The following RCOR1 variants were observed in gnomAD, a reference collection of about 807,000 sequenced individuals.
RCOR1 encodes the protein REST corepressor 1.
In RCOR1, 12 loss-of-function variants were observed where a neutral mutation model predicts 64.0. That is an observed-to-expected ratio of 0.19 (90% confidence interval 0.12 to 0.30). The LOEUF (loss-of-function observed/expected upper bound fraction) is 0.30, where lower values mean the gene tolerates loss of function less well. Ranked by LOEUF, RCOR1 falls within the 10% of genes least tolerant of loss-of-function variation. The pLI, the probability that RCOR1 is intolerant of heterozygous loss-of-function variation, is 1.00. For synonymous variants in RCOR1, 279 were observed against 227.2 expected (o/e 1.23, Z -2.05); for missense variants, 502 against 621.2 (o/e 0.81, Z 2.04).
rs377641733 is a variant in RCOR1 at position 102,652,153 on chromosome 14, A to G, written c.362-29742A>G. On this transcript the variant is annotated intron_variant, in intron 2 of 11. Transcript: ENST00000262241. The stretch of plus-strand genomic sequence containing the variant: ...GGATTGATTATTTTAAGTTCCTACT[A>G]TGTACCAGACGTTTGCTACTTGTTT... Among the ~76,000 whole-genome samples, 39 of 152,334 alleles carry G rather than the reference A, an allele frequency of 2.6e-4. No individual in the cohort carries two copies. The East Asian group carries it at 2.7e-3, about 11-fold the overall frequency.
At chr14:102,692,866 A>G (rs528024241) in intron 3 of RCOR1, among the ~76,000 whole-genome samples, 2 of 151,190 alleles carry the variant, frequency 1.3e-5, no homozygotes, top group African/African-American at 2.4e-5. Context: ...CCCAGGTTCA[A>G]GCAATTCTCG....
chr14:102,711,217 A>C (rs983030960), intron 7 of RCOR1, among the ~76,000 whole-genome samples: 4 of 152,264 alleles, frequency 2.6e-5, no homozygotes, highest in African/African-American at 7.2e-5. Context: ...GAAGGCTTAA[A>C]GGATAGAAAA....
At chr14:102,669,157 A>G (rs1374173253) in intron 2 of RCOR1, among the ~76,000 whole-genome samples, 2 of 152,088 alleles carry the variant, frequency 1.3e-5, no homozygotes, top group Non-Finnish European at 2.9e-5. Context: ...TAAAAATACA[A>G]AATTAGCCAG....
intron 8 of RCOR1, among the ~76,000 whole-genome samples, chr14:102,718,065 T>C (rs1896100703): frequency 6.6e-6 from 1 of 152,160 alleles, no homozygotes; most frequent in Admixed American, 6.6e-5. Context: ...TTAAACAATT[T>C]AGGGTTTATT....
intron 10 of RCOR1, 110 bp downstream of exon 10, chr14:102,721,487 G>A: frequency 1.4e-6 from 1 of 711,676 alleles, no homozygotes; most frequent in Non-Finnish European, 2.5e-6. Context: ...GGAGCTCAAG[G>A]CTGCATTGAT....
intron 6 of RCOR1, among the ~76,000 whole-genome samples, 182 bp downstream of exon 6, chr14:102,708,765 G>A (rs1213092834): frequency 2.0e-5 from 3 of 152,136 alleles, no homozygotes; most frequent in Admixed American, 2.0e-4. Flanking sequence ...CTCTTTCCCT[G>A]CAGTCAGTGA....
At chr14:102,673,628 C>T (rs1249134539) in intron 2 of RCOR1, among the ~76,000 whole-genome samples, 1 of 149,342 alleles carries the variant, frequency 6.7e-6, no homozygotes, top group Non-Finnish European at 1.5e-5. Context: ...AGCCATGGCT[C>T]ACGTGAGACA....
intron 2 of RCOR1, among the ~76,000 whole-genome samples, chr14:102,600,786 G>A (rs1019476079): frequency 4.0e-5 from 6 of 151,416 alleles, no homozygotes; most frequent in Non-Finnish European, 7.4e-5. Context: ...TAGCCAGGAT[G>A]GTCTCGATCT....
chr14:102,608,027 G>T (rs2896449), intron 2 of RCOR1, among the ~76,000 whole-genome samples: 2,299 of 151,998 alleles, frequency 0.015, 54 homozygotes, highest in African/African-American at 0.053. Context: ...CTGCACTCAA[G>T]CCCGGGCGAA....
At chr14:102,689,069 C>T (rs1057343829) in intron 3 of RCOR1, among the ~76,000 whole-genome samples, 1 of 152,182 alleles carries the variant, frequency 6.6e-6, no homozygotes, top group Non-Finnish European at 1.5e-5. Flanking sequence ...ACGTGTAGAC[C>T]TACCTCAAGT....
chr14:102,714,704 T>G (rs1386349945), intron 8 of RCOR1, 87 bp downstream of exon 8: 2 of 1,036,810 alleles, frequency 1.9e-6, no homozygotes, highest in Admixed American at 5.4e-5. Flanking sequence ...ATGTTCTCTT[T>G]CCGCAAATCT....
chr14:102,682,827 C>T (rs1895333260), intron 3 of RCOR1, among the ~76,000 whole-genome samples: 2 of 152,170 alleles, frequency 1.3e-5, no homozygotes, highest in South Asian at 2.1e-4. Context: ...GATTTTTTCT[C>T]TGTTTTACAG....
chr14:102,601,953 G>A (rs1893407612), intron 2 of RCOR1, among the ~76,000 whole-genome samples: 1 of 152,184 alleles, frequency 6.6e-6, no homozygotes, highest in Non-Finnish European at 1.5e-5. Flanking sequence ...GAGATCAGGA[G>A]TTCGAGACCA....
At position 102,592,774 on chromosome 14, in the gene RCOR1, C is replaced by T; in HGVS notation, c.-113C>T. 1 of 1,199,216 alleles carries T rather than the reference C, an allele frequency of 8.3e-7. No individual in the cohort carries two copies. The highest frequency in any genetic ancestry group is 1.6e-5 in the African/African-American group (1 of 62,804). The allele number at this position is 1,199,216 out of a possible 1,614,324, so 74.3% of individuals were successfully genotyped here. A position where few individuals can be genotyped will look rare whatever the true frequency, so the allele number is the denominator to read the frequency against. The stretch of plus-strand genomic sequence containing the variant: ...CGACTCGGACTCGCGCCCGTGGGCT[C>T]CCGCCGCGCCCGCCCGGCCCCGCGC... On this transcript the variant is annotated 5_prime_UTR_variant, in exon 1 of 12. Coordinates refer to ENST00000262241, the MANE Select transcript of RCOR1 (RefSeq NM_015156.4).
chr14:102,716,160 C>G (rs938962171), intron 8 of RCOR1, among the ~76,000 whole-genome samples: 1 of 152,130 alleles, frequency 6.6e-6, no homozygotes, highest in South Asian at 2.1e-4. Context: ...GGTTGCTCAC[C>G]TTTTCATCCA....
intron 2 of RCOR1, among the ~76,000 whole-genome samples, chr14:102,614,674 C>T (rs759284489): frequency 2.0e-5 from 3 of 152,056 alleles, no homozygotes; most frequent in Non-Finnish European, 4.4e-5. Flanking sequence ...CATTTTTGTA[C>T]CGCATTCTTA....
At chr14:102,695,264 ATTAAC>A (rs1424583783) in intron 3 of RCOR1, 5 of 152,322 alleles carry the variant, frequency 3.3e-5, no homozygotes, top group African/African-American at 1.2e-4. Context: ...CCACAGTTCT[ATTAAC>A]TTCATTCAAG....
intron 2 of RCOR1, among the ~76,000 whole-genome samples, chr14:102,610,468 ATAGAG>A (rs1357384385): frequency 1.3e-5 from 2 of 152,140 alleles, no homozygotes; most frequent in African/African-American, 4.8e-5. Flanking sequence ...ACAGCTCAGA[ATAGAG>A]TATTTTTATC....
chr14:102,721,035 C>A lies in RCOR1; in HGVS notation c.1082C>A (p.Ala361Asp), dbSNP rs142219804. The change falls in exon 9 of 12, where the codon GCT becomes GAT. Residue 361 changes from alanine (A) to aspartate (D), a missense_variant. Ala to Asp is a moderately radical substitution (Grantham distance 126). Around this residue, in one of 2 missense-constraint regions of RCOR1, gnomAD observed 260 missense variants for 416.4 expected, o/e 0.62. Coordinates refer to ENST00000262241, the MANE Select transcript of RCOR1 (RefSeq NM_015156.4). ...QIQNIKQTNS[A>D]LKEKLDGGIE... ...CAGAATATTAAACAGACAAACAGTGCTCTCAAAGAAAAACTTGATGGTGGA... is the reference window on the plus strand; with the variant it reads ...CAGAATATTAAACAGACAAACAGTGATCTCAAAGAAAAACTTGATGGTGGA... 2 of 1,568,478 alleles carry A rather than the reference C, an allele frequency of 1.3e-6. No individual in the cohort carries two copies. Among genetic ancestry groups the A allele is most frequent in the Non-Finnish European group, 1.7e-6 (2 of 1,151,282 alleles).
Sources: gnomAD v4.1 joint callset for allele counts (sites outside exome capture counted in the v4.1 genomes callset) on GRCh38, gnomAD v4.1.1 for gene constraint, gnomAD v4.1.1 regional missense constraint, MANE v1.5 for transcripts, NCBI Gene and HGNC (gene_info 2026-07-23, HGNC 2026-07-21) for gene names.